ZNF726: variants seen among roughly 807,000 people sequenced by gnomAD.
ZNF726 encodes the protein zinc finger protein 726.
A neutral mutation model predicts 11.6 loss-of-function variants in ZNF726; 15 were observed. That is an observed-to-expected ratio of 1.29 (90% CI 0.86 to 1.99). The LOEUF is 1.99. Ranked by LOEUF, ZNF726 falls within the 30% of genes most tolerant of loss-of-function variation. The probability of loss-of-function intolerance (pLI) is 0.00; values close to 1 mark genes in which losing one functional copy is unlikely to be tolerated. For synonymous variants in ZNF726, 295 were observed against 243.6 expected, an observed-to-expected ratio of 1.21 and a Z score of -1.96; for missense variants, 890 against 725.6, an observed-to-expected ratio of 1.23 and a Z score of -2.60.
At chr19:23,938,295 T>A (rs1208573368), downstream of ZNF726, among the ~76,000 whole-genome samples, 1 of 152,214 alleles carries the variant, frequency 6.6e-6, no homozygotes, top group Non-Finnish European at 1.5e-5. Context: ...ATATATAATC[T>A]TAGATGTAAA....
intron 3 of ZNF726, among the ~76,000 whole-genome samples, chr19:23,927,260 C>T (rs1968009069): frequency 1.3e-5 from 2 of 152,252 alleles, no homozygotes; most frequent in African/African-American, 4.8e-5. Context: ...AGTCACCTCA[C>T]CCGGCCATAA....
chr19:23,918,415 A>G (rs946443913), intron 1 of ZNF726, among the ~76,000 whole-genome samples: 2 of 152,314 alleles, frequency 1.3e-5, no homozygotes, highest in African/African-American at 4.8e-5. Flanking sequence ...TAGGGTGCTA[A>G]AAAAAGGCCA....
At chr19:23,934,684 C>T (rs1004274298), downstream of ZNF726, among the ~76,000 whole-genome samples, 1 of 152,212 alleles carries the variant, frequency 6.6e-6, no homozygotes, top group Admixed American at 6.5e-5. Flanking sequence ...GGTTTGGATC[C>T]TGACTCCACT....
intron 3 of ZNF726, among the ~76,000 whole-genome samples, chr19:23,942,133 T>C (rs1289644528): frequency 1.3e-5 from 2 of 152,184 alleles, no homozygotes; most frequent in East Asian, 1.9e-4. Flanking sequence ...ATCTTCGCTG[T>C]ATCCAAGAGG....
chr19:23,916,845 C>T (rs1967713333), intron 1 of ZNF726, among the ~76,000 whole-genome samples: 1 of 150,832 alleles, frequency 6.6e-6, no homozygotes, highest in Non-Finnish European at 1.5e-5. Context: ...TATCTTCAGT[C>T]ACACTTCAGT....
rs1428151180 is a variant in ZNF726 at position 23,941,360 on chromosome 19, ATGT to A, written c.227-2128_227-2126del. Reference sequence around the variant, plus strand: ...GATTATGGTGGATTATCTTTTTGACATGTTGTTGGATTTGGTTAGCTAGTATTT... The same window carrying A: ...GATTATGGTGGATTATCTTTTTGACATGTTGGATTTGGTTAGCTAGTATTT... On this transcript the variant is annotated intron_variant, in intron 3 of 4. Coordinates refer to the ZNF726 transcript ENST00000334589. 4.6e-5 allele frequency among the ~76,000 whole-genome samples: 7 copies of A among 152,158 alleles called. No homozygotes were observed. The East Asian group carries it at 7.7e-4, about 17-fold the overall frequency.
At chr19:23,934,978 ACT>A (rs754132200), downstream of ZNF726, among the ~76,000 whole-genome samples, 8 of 152,150 alleles carry the variant, frequency 5.3e-5, no homozygotes, top group Non-Finnish European at 1.2e-4. Context: ...CCAAGAAATG[ACT>A]CTCTAATGGT....
chr19:23,919,171 G>A lies in ZNF726; in HGVS notation c.4-202G>A, dbSNP rs191923204. The A allele has an allele frequency of 4.1e-4, 288 of 709,410 alleles. 3 individuals are homozygous for A. The East Asian group carries it at 0.01, about 26-fold the overall frequency. 43.9% of individuals were successfully genotyped at this position (709,410 alleles called of 1,614,324 possible). Reference sequence around the variant, plus strand: ...AGTATCATATATACACTGATGTTCTGGATATTATGCCAGTCTCTTTTCTCA... The same window carrying A: ...AGTATCATATATACACTGATGTTCTAGATATTATGCCAGTCTCTTTTCTCA... On this transcript the variant is annotated intron_variant, in intron 1 of 3. Coordinates refer to ENST00000594466, the MANE Select transcript of ZNF726 (RefSeq NM_001244038.2).
chr19:23,915,121 C>T (rs1297782656), intron 1 of ZNF726, 124 bp downstream of exon 1: 30 of 1,428,992 alleles, frequency 2.1e-5, no homozygotes, highest in Non-Finnish European at 2.9e-5. Context: ...CGAGTTGTTG[C>T]CCAGCTCGGC....
chr19:23,924,125 CCT>C (rs1158023682), intron 3 of ZNF726, among the ~76,000 whole-genome samples: 1 of 151,628 alleles, frequency 6.6e-6, no homozygotes, highest in South Asian at 2.1e-4. Flanking sequence ...CTCACTGCAA[CCT>C]CTGTCTCCCG....
rs756772150 is a variant in ZNF726, at chr19:23,933,592, G to T, written c.1476G>T (p.Gln492His). Residue 492 changes from glutamine to histidine, a missense_variant, in exon 4 of 4, where the codon CAG becomes CAT. Gln to His is a conservative substitution (Grantham distance 24). Transcript: ENST00000594466. Reference sequence around the variant, plus strand: ...AAGAATGTGGCAAAGCTTTTAGCCAGTCCTCAACCCTTACTGCACATAAGA... The same window carrying T: ...AAGAATGTGGCAAAGCTTTTAGCCATTCCTCAACCCTTACTGCACATAAGA... ...KCEECGKAFS[Q>H]SSTLTAHKII... The T allele has an allele frequency of 2.5e-6, 4 of 1,605,726 alleles. No individual in the cohort carries two copies. The African/African-American group carries it at 4.1e-5, about 16-fold the overall frequency.
rs1386336048 is a variant in ZNF726 at position 23,915,070 on chromosome 19, G to T, written c.3+73G>T. The T allele has an allele frequency of 2.5e-6, 4 of 1,608,200 alleles. No individual in the cohort carries two copies. The African/African-American group carries it at 5.3e-5, about 22-fold the overall frequency. On this transcript the variant is annotated intron_variant, in intron 1 of 3. Coordinates refer to ENST00000594466, the MANE Select transcript of ZNF726 (RefSeq NM_001244038.2). Reference sequence around the variant, plus strand: ...GGAACCGGTGGGAAGCGGCAGTGGCGGGACTCAGGCCTCCTCGCTGTCAGT... The same window carrying T: ...GGAACCGGTGGGAAGCGGCAGTGGCTGGACTCAGGCCTCCTCGCTGTCAGT...
intron 3 of ZNF726, among the ~76,000 whole-genome samples, chr19:23,939,861 G>GTTTTTTTTTTTT (rs1405429449): frequency 7.5e-5 from 6 of 80,126 alleles, no homozygotes; most frequent in South Asian, 4.5e-4. Flanking sequence ...TTTTTGATGG[G>GTTTTTTTTTTTT]ATTTTTTTTT....
intron 3 of ZNF726, chr19:23,923,288 TA>T (rs1967898742): frequency 2.5e-5 from 8 of 322,184 alleles, no homozygotes; most frequent in South Asian, 1.9e-4. Context: ...ATTTAAAACA[TA>T]AAAATTGGCA....
rs766769639 is a variant in ZNF726 at position 23,920,082 on chromosome 19, G to C, written c.226G>C (p.Gly76Arg). ...KRDEMVDEPP[G>R]ICPHFAQDIW... ...AGATGAGATGGTGGATGAACCCCCA[G>C]GTAGGTGAGAGTGAATACAACAGAT... The change falls in exon 3 of 4, where the codon GGT becomes CGT. Residue 76 changes from glycine (G) to arginine (R), a missense_variant and splice_region_variant. Coordinates refer to ENST00000594466, the MANE Select transcript of ZNF726 (RefSeq NM_001244038.2). 2.5e-6 allele frequency: 4 copies of C among 1,575,696 alleles called. No homozygotes were observed. Among genetic ancestry groups the C allele is most frequent in the Admixed American group, 1.7e-5 (1 of 58,752 alleles).
At chr19:23,928,833 T>C (rs111526308) in intron 3 of ZNF726, 1 of 152,198 alleles carries the variant, frequency 6.6e-6, no homozygotes, top group African/African-American at 2.4e-5. Flanking sequence ...GGTCTCACTC[T>C]GTCAACCAGG....
chr19:23,914,897 C>G lies in ZNF726; in HGVS notation c.-98C>G, dbSNP rs535868181. ...TTGGCGGGGCCTTTGTCTCTATCTG[C>G]GGCCGGAGCTCCAGGTCTCGTCCTC... is the stretch of plus-strand genomic sequence containing the variant. On this transcript the variant is annotated 5_prime_UTR_variant, in exon 1 of 4. Transcript: ENST00000594466. 17 of 1,554,860 alleles carry G rather than the reference C, an allele frequency of 1.1e-5. No homozygotes were observed. Among genetic ancestry groups the G allele is most frequent in the Non-Finnish European group, 1.4e-5 (16 of 1,141,462 alleles).
chr19:23,937,927 A>G (rs1968273801), downstream of ZNF726, among the ~76,000 whole-genome samples: 1 of 152,240 alleles, frequency 6.6e-6, no homozygotes, highest in Admixed American at 6.5e-5. Flanking sequence ...ATGGAATAAT[A>G]TACAGTATAT....
intron 3 of ZNF726, among the ~76,000 whole-genome samples, chr19:23,924,452 C>T (rs10403746): frequency 0.19 from 28,399 of 151,754 alleles, 2,803 homozygotes; most frequent in African/African-American, 0.24. Flanking sequence ...TATATATTTC[C>T]TTTGTGTGAG....
Sources: gnomAD v4.1 joint callset for allele counts (sites outside exome capture counted in the v4.1 genomes callset) on GRCh38, gnomAD v4.1.1 for gene constraint, MANE v1.5 for transcripts, NCBI Gene and HGNC (gene_info 2026-07-23, HGNC 2026-07-21) for gene names.